MGAT4C: variants seen among roughly 807,000 people sequenced by gnomAD.
MGAT4C encodes the protein alpha-1,3-mannosyl-glycoprotein 4-beta-N-acetylglucosaminyltransferase C.
In MGAT4C, 19 loss-of-function variants were observed where a neutral mutation model predicts 40.1. That is an observed-to-expected ratio of 0.47 (90% CI 0.33 to 0.70). The LOEUF (loss-of-function observed/expected upper bound fraction) is 0.70. Ranked by LOEUF, MGAT4C falls within the 30% of genes least tolerant of loss-of-function variation. The pLI is 0.02. For synonymous variants in MGAT4C, 181 were observed against 187.1 expected, an observed-to-expected ratio of 0.97 and a Z score of 0.27; for missense variants, 491 against 563.2, an observed-to-expected ratio of 0.87 and a Z score of 1.30.
chr12:86,542,352 A>T (rs4421807), intron 2 of MGAT4C, among the ~76,000 whole-genome samples: 114,898 of 152,028 alleles, frequency 0.76, 45,085 homozygotes, highest in Middle Eastern at 0.87. Flanking sequence ...CTCAGCTCCA[A>T]CAACAATTCC....
intron 4 of MGAT4C, among the ~76,000 whole-genome samples, chr12:86,316,167 GAC>G (rs35561805): frequency 0.22 from 32,352 of 146,288 alleles, 3,615 homozygotes; most frequent in East Asian, 0.34. Flanking sequence ...CACAATGAGA[GAC>G]ACCATCTCAT....
At chr12:86,405,552 C>A (rs1956447531) in intron 3 of MGAT4C, among the ~76,000 whole-genome samples, 3 of 151,958 alleles carry the variant, frequency 2.0e-5, no homozygotes, top group Admixed American at 2.0e-4. Flanking sequence ...GATTTCAACT[C>A]TCTCAACTTG....
At chr12:86,536,583 T>C (rs1286080374) in intron 2 of MGAT4C, among the ~76,000 whole-genome samples, 1 of 152,086 alleles carries the variant, frequency 6.6e-6, no homozygotes, top group Non-Finnish European at 1.5e-5. Context: ...CTTTAAGCAT[T>C]CAGGTAGTAA....
At chr12:86,501,900 C>T (rs1385422901) in intron 2 of MGAT4C, among the ~76,000 whole-genome samples, 2 of 151,952 alleles carry the variant, frequency 1.3e-5, no homozygotes, top group African/African-American at 2.4e-5. Flanking sequence ...TCTAAATCTT[C>T]GAGGAATTGC....
Position 86,078,038 on chromosome 12 carries a change from T to C in MGAT4C, c.-56-28315A>G, listed in dbSNP as rs938935564. 2.0e-5 allele frequency among the ~76,000 whole-genome samples: 3 copies of C among 152,242 alleles called. No homozygotes were observed. In the South Asian group the frequency reaches 6.2e-4, roughly 32 times the overall value. On this transcript the variant is annotated intron_variant, in intron 1 of 4. Coordinates refer to ENST00000611864, the MANE Select transcript of MGAT4C (RefSeq NM_001351288.2). ...ACCTCTAGGCCAGCAAAACATAATGTTGCGGGAACAGGAAGCAAAAATTTT... is the reference window on the plus strand; with the variant it reads ...ACCTCTAGGCCAGCAAAACATAATGCTGCGGGAACAGGAAGCAAAAATTTT...
rs141819653 is a variant in MGAT4C, at chr12:86,708,634, C to T, written c.-229+18575G>A. On this transcript the variant is annotated intron_variant, in intron 2 of 7. Coordinates refer to the MGAT4C transcript ENST00000548651. ...CAGCCAGGAGGGAGGCTGCACCCTG[C>T]GTAACCACAGGGTTGAAGCTGCCCA... is the stretch of plus-strand genomic sequence containing the variant. Among the ~76,000 whole-genome samples, 839 of 152,160 alleles carry T rather than the reference C, an allele frequency of 5.5e-3. 3 individuals are homozygous for T. Among genetic ancestry groups the T allele is most frequent in the Non-Finnish European group, 8.9e-3 (604 of 67,984 alleles).
intron 4 of MGAT4C, among the ~76,000 whole-genome samples, chr12:86,323,534 T>C (rs971194256): frequency 1.3e-5 from 2 of 151,686 alleles, no homozygotes; most frequent in African/African-American, 2.4e-5. Flanking sequence ...AAAAAGATAA[T>C]AATACAGTTA....
At chr12:86,011,874 A>G (rs954792527) in intron 2 of MGAT4C, 1 of 984,678 alleles carries the variant, frequency 1.0e-6, no homozygotes, top group African/African-American at 1.7e-5. Context: ...CACCCTGATA[A>G]TATAAACTTC....
intron 1 of MGAT4C, among the ~76,000 whole-genome samples, chr12:86,252,427 ATC>A (rs1952334062): frequency 1.3e-5 from 2 of 152,148 alleles, no homozygotes; most frequent in Admixed American, 1.3e-4. Flanking sequence ...AAATGATACT[ATC>A]TAAAAACAAT....
intron 1 of MGAT4C, among the ~76,000 whole-genome samples, chr12:86,173,109 T>C (rs1047329502): frequency 2.0e-5 from 3 of 152,108 alleles, no homozygotes; most frequent in African/African-American, 7.2e-5. Flanking sequence ...CTGGGCTAAA[T>C]TGTGATCACA....
chr12:86,753,508 A>T (rs1002995835), intron 1 of MGAT4C, among the ~76,000 whole-genome samples: 1 of 151,630 alleles, frequency 6.6e-6, no homozygotes, highest in African/African-American at 2.4e-5. Context: ...CCCACTTCAC[A>T]CCTCTGTATT....
intron 2 of MGAT4C, among the ~76,000 whole-genome samples, chr12:86,590,103 C>CAAAAG (rs759547996): frequency 1.3e-5 from 2 of 151,568 alleles, no homozygotes; most frequent in East Asian, 3.9e-4. Flanking sequence ...TGAATTAAAA[C>CAAAAG]AAAACAAAAC....
intron 4 of MGAT4C, among the ~76,000 whole-genome samples, chr12:86,285,367 A>G (rs775365797): frequency 9.2e-5 from 14 of 152,040 alleles, no homozygotes; most frequent in Non-Finnish European, 1.3e-4. Flanking sequence ...ACCACCGTGT[A>G]TCCAGTGTGT....
At chr12:86,705,216 CTCTATCTATCTATCTATCTATCTATCTA>C (rs36154098) in intron 2 of MGAT4C, among the ~76,000 whole-genome samples, 2 of 147,588 alleles carry the variant, frequency 1.4e-5, no homozygotes, top group African/African-American at 5.0e-5. Flanking sequence ...TGTCTATTAT[CTCTATCTATCTATCTATCTATCTATCTA>C]TCTATCTATC....
At chr12:86,804,349 C>CGGCACAT (rs1200014362) in intron 1 of MGAT4C, among the ~76,000 whole-genome samples, 2 of 145,736 alleles carry the variant, frequency 1.4e-5, no homozygotes, top group Admixed American at 1.4e-4. Flanking sequence ...CGCACCAGCA[C>CGGCACAT]GGCACATGTA....
rs1366034153 is a variant in MGAT4C, at chr12:86,252,854, C to T, written c.-57+3385G>A. 2.0e-5 allele frequency among the ~76,000 whole-genome samples: 3 copies of T among 151,976 alleles called. No homozygotes were observed. In the East Asian group the frequency reaches 5.8e-4, roughly 29 times the overall value. On this transcript the variant is annotated intron_variant, in intron 1 of 4. Coordinates refer to ENST00000611864, the MANE Select transcript of MGAT4C (RefSeq NM_001351288.2). ...AATAAAGCTAGCTTGCTTGAACATA[C>T]ATTATAAATACAAGATAACTTTGTC...
chr12:86,690,337 T>C (rs1204356786), intron 2 of MGAT4C, among the ~76,000 whole-genome samples: 1 of 152,158 alleles, frequency 6.6e-6, no homozygotes, highest in African/African-American at 2.4e-5. Context: ...TCTGTCTCAC[T>C]GGCAATCCAG....
chr12:86,290,070 G>A (rs577013070), intron 4 of MGAT4C, among the ~76,000 whole-genome samples: 14 of 150,432 alleles, frequency 9.3e-5, no homozygotes, highest in Non-Finnish European at 1.8e-4. Flanking sequence ...TTTTTGAGAC[G>A]GAGTCTTGCT....
intron 1 of MGAT4C, among the ~76,000 whole-genome samples, chr12:86,797,045 A>G (rs557280081): frequency 1.3e-5 from 2 of 152,050 alleles, no homozygotes; most frequent in South Asian, 4.1e-4. Context: ...CTCATCCAGA[A>G]TGAGTATGAT....
Sources: gnomAD v4.1 joint callset for allele counts (sites outside exome capture counted in the v4.1 genomes callset) on GRCh38, gnomAD v4.1.1 for gene constraint, MANE v1.5 for transcripts, NCBI Gene and HGNC (gene_info 2026-07-23, HGNC 2026-07-21) for gene names.